CARS2: variants seen among roughly 807,000 people sequenced by gnomAD.
CARS2 encodes cysteinyl-tRNA synthetase 2, mitochondrial.
Under a neutral mutation model 68.8 loss-of-function variants are expected in CARS2, and 52 were observed. That is an observed-to-expected ratio of 0.76 (90% CI 0.61 to 0.95). The LOEUF is 0.95. Ranked by LOEUF, CARS2 falls within the 40% of genes least tolerant of loss-of-function variation. The pLI is 0.00. For synonymous variants in CARS2, 314 were observed against 303.6 expected (o/e 1.03, Z -0.36); for missense variants, 780 against 754.2 (o/e 1.03, Z -0.40).
intron 1 of CARS2, chr13:110,712,410 C>CCCGCGGCGG (rs2064038027): frequency 5.3e-6 from 1 of 187,982 alleles, no homozygotes; most frequent in East Asian, 1.8e-4. Flanking sequence ...CCGGAGGGGA[C>CCCGCGGCGG]CCGCGGCGGC....
In CARS2 at chr13:110,667,395, T is replaced by C; in HGVS notation, c.864A>G (p.Ala288=). Residue 288 remains alanine (A), a synonymous_variant, in exon 8 of 15, where the codon GCA becomes GCG. Coordinates refer to ENST00000257347, the MANE Select transcript of CARS2 (RefSeq NM_024537.4). ...CGCACTGATGAAAGACTTCGCACTG[T>C]GCAATTTCGTTTTCATGATGTGGAA... ...LAFPHHENEI[A]QCEVFHQCEQ... The C allele has an allele frequency of 6.2e-7, 1 of 1,613,902 alleles. No homozygotes were observed. Among genetic ancestry groups the C allele is most frequent in the Non-Finnish European group, 8.5e-7 (1 of 1,179,804 alleles).
chr13:110,645,617 G>GGT, intron 12 of CARS2: 1 of 201,896 alleles, frequency 5.0e-6, no homozygotes. Context: ...TGGGGTAAAT[G>GGT]GGTCTTTCCT....
rs778994229 is a variant in CARS2, at chr13:110,670,352, C to T, written c.786-2879G>A. On this transcript the variant is annotated intron_variant, in intron 7 of 14. Transcript: ENST00000257347. This position sits in a 1 kb window ranked among gnomAD's most constrained non-coding sequence, Gnocchi z 4.1. ...TCATACAGCCAGGTGCCCTCTGAGA[C>T]GAAGCTTCCAGAGGAAGGATCATGC... is the stretch of plus-strand genomic sequence containing the variant. Among the ~76,000 whole-genome samples, 6 of 152,246 alleles carry T rather than the reference C, an allele frequency of 3.9e-5. No individual in the cohort carries two copies. Among genetic ancestry groups the T allele is most frequent in the South Asian group, 4.1e-4 (2 of 4,826 alleles).
At chr13:110,643,631 G>A (rs923521742) in intron 13 of CARS2, 4 of 154,416 alleles carry the variant, frequency 2.6e-5, no homozygotes, top group African/African-American at 9.6e-5. Flanking sequence ...AAGAGCCAGA[G>A]CGCCTTGTGC....
chr13:110,678,709 A>C (rs954370132), intron 6 of CARS2, among the ~76,000 whole-genome samples: 1 of 152,252 alleles, frequency 6.6e-6, no homozygotes, highest in African/African-American at 2.4e-5. Context: ...TTGAAGTAGA[A>C]GGCAGCACAC....
chr13:110,671,909 G>A (rs1219481288), intron 7 of CARS2, among the ~76,000 whole-genome samples: 1 of 152,158 alleles, frequency 6.6e-6, no homozygotes, highest in African/African-American at 2.4e-5. Context: ...AGCAGGGGTT[G>A]CAAACCTAGT....
intron 3 of CARS2, chr13:110,697,865 A>T: frequency 2.3e-6 from 1 of 439,612 alleles, no homozygotes; most frequent in Non-Finnish European, 4.5e-6. Flanking sequence ...ATGCGGTGGG[A>T]GACTACCCAG....
At chr13:110,700,194 A>G (rs942860389) in intron 3 of CARS2, among the ~76,000 whole-genome samples, 3 of 152,204 alleles carry the variant, frequency 2.0e-5, no homozygotes, top group Non-Finnish European at 2.9e-5. Context: ...TCAAAGTCCT[A>G]CAATCCTTGA....
intron 3 of CARS2, among the ~76,000 whole-genome samples, chr13:110,694,686 T>C (rs1246136411): frequency 1.3e-5 from 2 of 152,112 alleles, no homozygotes; most frequent in Non-Finnish European, 2.9e-5. Context: ...CCTACCTCTT[T>C]TAATTCTTAC....
At chr13:110,657,457 C>T (rs1260560519) in intron 9 of CARS2, among the ~76,000 whole-genome samples, 1 of 152,150 alleles carries the variant, frequency 6.6e-6, no homozygotes, top group African/African-American at 2.4e-5. Flanking sequence ...CAACAGAGGC[C>T]GAGGGGTCTG....
chr13:110,644,233 G>A (rs540086142), intron 13 of CARS2, 152 bp downstream of exon 13: 4 of 1,416,494 alleles, frequency 2.8e-6, no homozygotes, highest in South Asian at 1.2e-5. Flanking sequence ...GGCTCTGAGT[G>A]TGTTTATTTT....
intron 6 of CARS2, 143 bp from the exon 7 acceptor site, chr13:110,677,246 ACAG>A (rs2139809782): frequency 2.4e-6 from 1 of 419,676 alleles, no homozygotes; most frequent in South Asian, 4.0e-5. Context: ...GGAAACCCAG[ACAG>A]TCACCCCCAC....
chr13:110,642,113 A>C (rs554231293), intron 14 of CARS2, among the ~76,000 whole-genome samples: 50 of 152,298 alleles, frequency 3.3e-4, no homozygotes, highest in South Asian at 1.5e-3. Flanking sequence ...AGGCAGGAGA[A>C]TCGCTTGAAC....
chr13:110,701,133 G>A (rs184556158), intron 3 of CARS2, among the ~76,000 whole-genome samples: 34 of 151,848 alleles, frequency 2.2e-4, no homozygotes, highest in African/African-American at 8.2e-4. Context: ...CACAATCTCC[G>A]CTCATTGCAA....
At chr13:110,663,103 G>C in intron 9 of CARS2, 1 of 493,520 alleles carries the variant, frequency 2.0e-6, no homozygotes, top group Non-Finnish European at 4.0e-6. Context: ...ACACCAGTAA[G>C]AGGTGGTGGG....
chr13:110,707,869 C>T (rs892705399), upstream of CARS2, among the ~76,000 whole-genome samples: 5 of 152,252 alleles, frequency 3.3e-5, no homozygotes, highest in Admixed American at 3.3e-4. Flanking sequence ...TCCAACTCTG[C>T]AATTCTGTTT....
chr13:110,679,618 A>G (rs1047273732), intron 6 of CARS2, among the ~76,000 whole-genome samples: 4 of 123,288 alleles, frequency 3.2e-5, no homozygotes, highest in African/African-American at 1.2e-4. Context: ...AGAGAGAGAG[A>G]GAGAGAGGGA....
At chr13:110,691,846 G>C (rs2063467883) in intron 3 of CARS2, among the ~76,000 whole-genome samples, 1 of 151,908 alleles carries the variant, frequency 6.6e-6, no homozygotes, top group East Asian at 1.9e-4. Context: ...GGGGGTGCAG[G>C]GAGGAGTCCC....
intron 3 of CARS2, among the ~76,000 whole-genome samples, 189 bp from the exon 4 acceptor site, chr13:110,688,207 T>C (rs1566325145): frequency 6.6e-6 from 1 of 152,188 alleles, no homozygotes; most frequent in South Asian, 2.1e-4. Flanking sequence ...GAACTTTTAC[T>C]AGTAGCTTAG....
Sources: allele counts gnomAD v4.1 joint callset (sites outside exome capture counted in the v4.1 genomes callset), GRCh38; gene constraint gnomAD v4.1.1; non-coding constraint Gnocchi (gnomAD v3.1); transcripts MANE v1.5; gene names NCBI Gene and HGNC (gene_info 2026-07-23, HGNC 2026-07-21).